The following HECW1 variants were observed in gnomAD, a reference collection of about 807,000 sequenced individuals.
HECW1 encodes E3 ubiquitin-protein ligase HECW1.
HECW1 carries 61 observed loss-of-function variants against 182.3 expected under a neutral mutation model. That is an observed-to-expected ratio of 0.33 (90% CI 0.27 to 0.41). The LOEUF (loss-of-function observed/expected upper bound fraction) is 0.41. Ranked by LOEUF, HECW1 falls within the 10% of genes least tolerant of loss-of-function variation. The pLI is 1.00. For synonymous variants in HECW1, 859 were observed against 832.6 expected (o/e 1.03, Z -0.55); for missense variants, 1,739 against 2,108.9 (o/e 0.82, Z 3.44).
At chr7:43,305,678 G>A (rs1807459475) in intron 3 of HECW1, among the ~76,000 whole-genome samples, 1 of 151,804 alleles carries the variant, frequency 6.6e-6, no homozygotes, top group Non-Finnish European at 1.5e-5. Flanking sequence ...TCGGCTCACT[G>A]CAACCTCCAC....
intron 24 of HECW1, chr7:43,509,327 T>C (rs1347576060): frequency 1.1e-5 from 5 of 474,402 alleles, no homozygotes; most frequent in East Asian, 3.4e-5. Context: ...GCTGATAATA[T>C]AGCAACTGCA....
Position 43,404,088 on chromosome 7 carries a change from T to C in HECW1, c.632-3474T>C, listed in dbSNP as rs115165186. 8.2e-3 allele frequency among the ~76,000 whole-genome samples: 1,256 copies of C among 152,324 alleles called. 16 individuals carry two copies. The highest frequency in any genetic ancestry group is 0.029 in the African/African-American group (1,190 of 41,576). Reference sequence around the variant, plus strand: ...TTAAGACCTGAAAGAGTTAAATTGGTTTACTCAAAGTTACAAATTTCAACA... The same window carrying C: ...TTAAGACCTGAAAGAGTTAAATTGGCTTACTCAAAGTTACAAATTTCAACA... On this transcript the variant is annotated intron_variant, in intron 7 of 29. Transcript: ENST00000395891.
chr7:43,471,935 A>T (rs1023513999), intron 16 of HECW1, among the ~76,000 whole-genome samples: 1 of 152,222 alleles, frequency 6.6e-6, no homozygotes, highest in Non-Finnish European at 1.5e-5. Flanking sequence ...TGGAAAATAG[A>T]ACTATTTAAA....
intron 2 of HECW1, among the ~76,000 whole-genome samples, chr7:43,210,560 G>T (rs6975782): frequency 0.7 from 106,574 of 151,814 alleles, 37,951 homozygotes; most frequent in Non-Finnish European, 0.74. Context: ...CCTCGTGTTC[G>T]CTAACCTGGG....
intron 2 of HECW1, among the ~76,000 whole-genome samples, chr7:43,211,789 A>C (rs111563665): frequency 4.6e-5 from 7 of 152,334 alleles, no homozygotes; most frequent in African/African-American, 1.7e-4. Flanking sequence ...TCAAGACATC[A>C]TAAACCCTTT....
chr7:43,189,835 A>C (rs1280013244), intron 2 of HECW1, among the ~76,000 whole-genome samples: 1 of 152,218 alleles, frequency 6.6e-6, no homozygotes, highest in Non-Finnish European at 1.5e-5. Context: ...AATGTCAGTC[A>C]GGGTCACCTC....
intron 2 of HECW1, among the ~76,000 whole-genome samples, chr7:43,160,331 G>C (rs188660446): frequency 4.0e-5 from 6 of 151,556 alleles, no homozygotes; most frequent in East Asian, 1.9e-4. Context: ...TTCATTCTTT[G>C]GTCAGAGCTC....
intron 2 of HECW1, among the ~76,000 whole-genome samples, chr7:43,173,348 G>C (rs1201264426): frequency 1.3e-5 from 2 of 152,152 alleles, no homozygotes; most frequent in African/African-American, 4.8e-5. Flanking sequence ...GAAAGTTTGG[G>C]TTTCTCCTGA....
At chr7:43,203,540 T>C (rs2152690842) in intron 2 of HECW1, among the ~76,000 whole-genome samples, 1 of 152,316 alleles carries the variant, frequency 6.6e-6, no homozygotes, top group Middle Eastern at 3.4e-3. Context: ...ATCTTCTGCC[T>C]CCCCAGTTCA....
chr7:43,518,218 G>T (rs2080256125), intron 24 of HECW1, among the ~76,000 whole-genome samples: 1 of 152,100 alleles, frequency 6.6e-6, no homozygotes, highest in Non-Finnish European at 1.5e-5. Context: ...AGAAAGGCCG[G>T]GCACAGTGGC....
chr7:43,264,401 G>A (rs1039979503), intron 3 of HECW1, among the ~76,000 whole-genome samples: 1 of 151,982 alleles, frequency 6.6e-6, no homozygotes, highest in Non-Finnish European at 1.5e-5. Context: ...CGTTCATCCA[G>A]GTTATTGCAA....
intron 3 of HECW1, among the ~76,000 whole-genome samples, chr7:43,263,692 A>T (rs891283976): frequency 6.6e-6 from 1 of 152,126 alleles, no homozygotes; most frequent in Admixed American, 6.6e-5. Flanking sequence ...AAACATAAGG[A>T]GAAATACTAG....
intron 8 of HECW1, among the ~76,000 whole-genome samples, chr7:43,427,408 T>C (rs532809944): frequency 2.6e-5 from 4 of 152,330 alleles, no homozygotes; most frequent in Non-Finnish European, 5.9e-5. Context: ...TTCAGAGCTC[T>C]TTTTCTTAGA....
chr7:43,279,865 A>T (rs562927648), intron 3 of HECW1, among the ~76,000 whole-genome samples: 3 of 152,208 alleles, frequency 2.0e-5, no homozygotes, highest in Non-Finnish European at 1.5e-5. Flanking sequence ...ACAGCAGTGC[A>T]GCGACTATTA....
chr7:43,382,909 G>T (rs1024809512), intron 6 of HECW1, among the ~76,000 whole-genome samples: 5 of 152,102 alleles, frequency 3.3e-5, no homozygotes, highest in African/African-American at 4.8e-5. Context: ...TTAGGGGTTT[G>T]TCCTAATGCT....
chr7:43,255,332 C>T (rs777170845), intron 3 of HECW1, among the ~76,000 whole-genome samples: 8 of 152,224 alleles, frequency 5.3e-5, no homozygotes, highest in Non-Finnish European at 7.3e-5. Context: ...GGCCTGGTGG[C>T]TCATGCCTGT....
At chr7:43,279,598 C>T (rs1803634821) in intron 3 of HECW1, among the ~76,000 whole-genome samples, 4 of 152,234 alleles carry the variant, frequency 2.6e-5, no homozygotes, top group South Asian at 2.1e-4. Flanking sequence ...ACAGGCTATG[C>T]GTCTGCCTAG....
At chr7:43,269,184 A>G (rs1332125370) in intron 3 of HECW1, among the ~76,000 whole-genome samples, 1 of 152,126 alleles carries the variant, frequency 6.6e-6, no homozygotes, top group Non-Finnish European at 1.5e-5. Context: ...TTACTTCTTC[A>G]GTTTGCCTGC....
At chr7:43,463,870 C>T in intron 14 of HECW1, 71 bp downstream of exon 14, 3 of 1,539,222 alleles carry the variant, frequency 1.9e-6, no homozygotes, top group South Asian at 1.2e-5. Flanking sequence ...TACAAGCCTC[C>T]CACCCTGCCT....
Sources: gnomAD v4.1 joint callset for allele counts (sites outside exome capture counted in the v4.1 genomes callset) on GRCh38, gnomAD v4.1.1 for gene constraint, MANE v1.5 for transcripts, NCBI Gene and HGNC (gene_info 2026-07-23, HGNC 2026-07-21) for gene names.